Variants in NR1H3 observed in about 807,000 individuals in gnomAD.
NR1H3 encodes the protein oxysterols receptor LXR-alpha.
In NR1H3, 19 loss-of-function variants were observed where a neutral mutation model predicts 48.1. That is an observed-to-expected ratio of 0.40 (90% CI 0.28 to 0.58). NR1H3 has a LOEUF of 0.58. NR1H3 is among the 20% of genes least tolerant of loss of function. The probability of loss-of-function intolerance (pLI) is 0.50; values close to 1 mark genes in which losing one functional copy is unlikely to be tolerated. For missense variants in NR1H3, 486 were observed against 595.9 expected, an observed-to-expected ratio of 0.82 and a Z score of 1.92; for synonymous variants, 232 against 227.3, an observed-to-expected ratio of 1.02 and a Z score of -0.19.
At chr11:47,252,971 T>G (rs1954786342) in intron 1 of NR1H3, among the ~76,000 whole-genome samples, 1 of 147,120 alleles carries the variant, frequency 6.8e-6, no homozygotes, top group African/African-American at 2.5e-5. Context: ...TTTTTTTTTT[T>G]TTTTTTTGAG....
At chr11:47,267,548 G>T (rs1039133452) in intron 7 of NR1H3, among the ~76,000 whole-genome samples, 1 of 148,122 alleles carries the variant, frequency 6.8e-6, no homozygotes, top group Admixed American at 6.8e-5. Context: ...TCGCTCTATC[G>T]CCCAGGCTGG....
Position 47,267,863 on chromosome 11 carries a change from A to C in NR1H3, c.989-50A>C, listed in dbSNP as rs73450115. 3.5e-3 allele frequency: 4,609 copies of C among 1,324,200 alleles called. 125 individuals carry two copies. In the African/African-American group the frequency reaches 0.057, roughly 16 times the overall value. 82.0% of individuals were successfully genotyped at this position (1,324,200 alleles called of 1,614,324 possible). ...GTTCCCTAAGGTGAGGAGAGAAGAAAGTTCCTGCTGCTCCTGCTGCTTGCG... is the reference window on the plus strand; with the variant it reads ...GTTCCCTAAGGTGAGGAGAGAAGAACGTTCCTGCTGCTCCTGCTGCTTGCG... On this transcript the variant is annotated intron_variant, in intron 7 of 9. Transcript: ENST00000441012.
intron 4 of NR1H3, 135 bp downstream of exon 4, chr11:47,260,810 C>G: frequency 1.7e-6 from 2 of 1,200,742 alleles, no homozygotes; most frequent in Non-Finnish European, 2.3e-6. Flanking sequence ...CTTGACCGGG[C>G]GCGGTGGCTC....
rs139930107 is a variant in NR1H3, at chr11:47,260,371, C to T, written c.233-38C>T. 7.4e-4 allele frequency: 1,157 copies of T among 1,572,160 alleles called. 12 individuals are homozygous for T. Among genetic ancestry groups the T allele is most frequent in the South Asian group, 1.7e-4 (14 of 83,952 alleles). On this transcript the variant is annotated intron_variant, in intron 3 of 9. Coordinates refer to ENST00000441012, the MANE Select transcript of NR1H3 (RefSeq NM_005693.4). ...GAGTCAGGGAGAACATGATGTTTTT[C>T]CTCGGGGGAGAGCGTTGAAGCACTT... is the stretch of plus-strand genomic sequence containing the variant.
chr11:47,252,331 G>A (rs1169204647), intron 1 of NR1H3, among the ~76,000 whole-genome samples: 2 of 151,996 alleles, frequency 1.3e-5, no homozygotes, highest in African/African-American at 2.4e-5. Flanking sequence ...GCGTTATCTC[G>A]GCTCACAGCA....
upstream of NR1H3, among the ~76,000 whole-genome samples, chr11:47,254,965 T>G (rs1165764567): frequency 6.6e-6 from 1 of 152,214 alleles, no homozygotes; most frequent in Admixed American, 6.5e-5. Flanking sequence ...TATGCTTTAA[T>G]GTGGGGCCCA....
At chr11:47,251,465 A>G (rs971154658) in intron 1 of NR1H3, among the ~76,000 whole-genome samples, 2 of 152,098 alleles carry the variant, frequency 1.3e-5, no homozygotes, top group Non-Finnish European at 2.9e-5. Context: ...TACAAAAATT[A>G]GCCAGTCGTG....
chr11:47,269,030 G>GTCAC (rs1445954393), exon 10 of NR1H3: 20 of 317,950 alleles, frequency 6.3e-5, no homozygotes. Flanking sequence ...ATTCTCCACT[G>GTCAC]TCACTCTGTG....
At chr11:47,257,408 T>C (rs1955283396), upstream of NR1H3, among the ~76,000 whole-genome samples, 1 of 152,168 alleles carries the variant, frequency 6.6e-6, no homozygotes, top group African/African-American at 2.4e-5. Flanking sequence ...CCTGGCCTCC[T>C]CTCTTATCTG....
chr11:47,268,496 C>T, intron 9 of NR1H3, 54 bp from the exon 10 acceptor site: 1 of 1,611,474 alleles, frequency 6.2e-7, no homozygotes, highest in Non-Finnish European at 8.5e-7. Flanking sequence ...CCTACTCTTG[C>T]CCCGCTTCCC....
rs552777994 is a variant in NR1H3 at position 47,266,754 on chromosome 11, G to A, written c.989-1159G>A. On this transcript the variant is annotated intron_variant, in intron 7 of 9. Coordinates refer to ENST00000441012, the MANE Select transcript of NR1H3 (RefSeq NM_005693.4). Reference sequence around the variant, plus strand: ...CCTCCCAGATTCAAGCAATTCTCCTGCCTCAGCCTCCTAAGTAGCTGGAAT... The same window carrying A: ...CCTCCCAGATTCAAGCAATTCTCCTACCTCAGCCTCCTAAGTAGCTGGAAT... Among the ~76,000 whole-genome samples the A allele has an allele frequency of 3.3e-5, 5 of 150,754 alleles. No individual in the cohort carries two copies. The East Asian group carries it at 9.8e-4, about 30-fold the overall frequency.
Position 47,265,442 on chromosome 11 carries a change from T to C in NR1H3, c.989-2471T>C, listed in dbSNP as rs559588971. On this transcript the variant is annotated intron_variant, in intron 7 of 9. Transcript: ENST00000441012. Reference sequence around the variant, plus strand: ...TAGCAGATGGTTGCTAAAAGAAATCTGACAAAGCCTGGGGAACTCTGTAGG... The same window carrying C: ...TAGCAGATGGTTGCTAAAAGAAATCCGACAAAGCCTGGGGAACTCTGTAGG... Among the ~76,000 whole-genome samples the C allele has an allele frequency of 2.1e-4, 32 of 152,330 alleles. No homozygotes were observed. The South Asian group carries it at 6.4e-3, about 31-fold the overall frequency.
chr11:47,248,308 C>T, upstream of NR1H3: 1 of 1,046,860 alleles, frequency 9.6e-7, no homozygotes, highest in Admixed American at 2.7e-5. Flanking sequence ...GAGATTCTAA[C>T]TTAGCTAAGC....
In NR1H3 at chr11:47,260,470, C is replaced by T. The variant is rs1242067667; in HGVS notation, c.294C>T (p.Cys98=). 1 of 1,614,240 alleles carries T rather than the reference C, an allele frequency of 6.2e-7. No individual in the cohort carries two copies. ...CCAAAATGCTGGGGAACGAGCTATG[C>T]AGCGTGTGTGGGGACAAGGCCTCGG... ...PAPKMLGNEL[C]SVCGDKASGF... is the part of the protein sequence containing the mutation. The change falls in exon 4 of 10, where the codon TGC becomes TGT. Residue 98 remains cysteine (C), a synonymous_variant. Coordinates refer to ENST00000441012, the MANE Select transcript of NR1H3 (RefSeq NM_005693.4).
At chr11:47,261,114 T>G (rs1955803976) in intron 4 of NR1H3, 127 bp from the exon 5 acceptor site, 1 of 684,370 alleles carries the variant, frequency 1.5e-6, no homozygotes, top group Non-Finnish European at 2.5e-6. Flanking sequence ...CTTTACCCAG[T>G]GCTGTCTGCT....
upstream of NR1H3, chr11:47,257,610 C>T: frequency 6.1e-6 from 6 of 977,718 alleles, no homozygotes; most frequent in Non-Finnish European, 7.3e-6. Flanking sequence ...CAATTCCGGG[C>T]CGTGCTGGGA....
At chr11:47,258,241 T>G in intron 1 of NR1H3, 112 bp downstream of exon 1, 2 of 949,766 alleles carry the variant, frequency 2.1e-6, no homozygotes, top group Non-Finnish European at 2.5e-6. Context: ...TGAGGGGTGA[T>G]GGTGATGGAA....
At chr11:47,255,400 A>G (rs1954984060), upstream of NR1H3, among the ~76,000 whole-genome samples, 1 of 152,256 alleles carries the variant, frequency 6.6e-6, no homozygotes, top group Non-Finnish European at 1.5e-5. Context: ...GTGTATGGAA[A>G]CAAGTACAAA....
chr11:47,262,441 C>T (rs1955996593), intron 7 of NR1H3, among the ~76,000 whole-genome samples: 2 of 152,026 alleles, frequency 1.3e-5, no homozygotes, highest in Admixed American at 6.6e-5. Flanking sequence ...TCAAGTGATC[C>T]TCCTGCCTCT....
Sources: gnomAD v4.1 joint callset for allele counts (sites outside exome capture counted in the v4.1 genomes callset) on GRCh38, gnomAD v4.1.1 for gene constraint, MANE v1.5 for transcripts, NCBI Gene and HGNC (gene_info 2026-07-23, HGNC 2026-07-21) for gene names.